TNRC6C: variants seen among roughly 807,000 people sequenced by gnomAD.
The protein encoded by TNRC6C is trinucleotide repeat containing adaptor 6C.
Under a neutral mutation model 153.7 loss-of-function variants are expected in TNRC6C, and 20 were observed. The observed-to-expected ratio is 0.13, with a 90% CI of 0.09 to 0.19. The LOEUF (loss-of-function observed/expected upper bound fraction) is 0.19. TNRC6C is among the 10% of genes least tolerant of loss of function. The probability of loss-of-function intolerance (pLI) is 1.00; values close to 1 mark genes in which losing one functional copy is unlikely to be tolerated. For missense variants in TNRC6C, 1,987 were observed against 2,172.0 expected, an observed-to-expected ratio of 0.91 and a Z score of 1.69; for synonymous variants, 811 against 841.4, an observed-to-expected ratio of 0.96 and a Z score of 0.63.
At chr17:78,038,440 G>T (rs746549541) in intron 2 of TNRC6C, among the ~76,000 whole-genome samples, 1 of 152,000 alleles carries the variant, frequency 6.6e-6, no homozygotes, top group East Asian at 1.9e-4. Context: ...TTGGGAGGCC[G>T]AGGCAGGTGG....
At chr17:78,070,498 TC>T (rs920160040) in intron 5 of TNRC6C, among the ~76,000 whole-genome samples, 1 of 151,576 alleles carries the variant, frequency 6.6e-6, no homozygotes, top group African/African-American at 2.4e-5. Context: ...TGCCGAGCCC[TC>T]CCCCACCCCC....
intron 1 of TNRC6C, among the ~76,000 whole-genome samples, chr17:77,961,544 C>T (rs948013773): frequency 3.9e-5 from 6 of 152,204 alleles, no homozygotes; most frequent in Non-Finnish European, 7.3e-5. Context: ...ATTTCGGATT[C>T]TGCCATTTAA....
chr17:78,068,692 G>C (rs1362436182), intron 5 of TNRC6C, among the ~76,000 whole-genome samples: 1 of 152,186 alleles, frequency 6.6e-6, no homozygotes, highest in Non-Finnish European at 1.5e-5. Flanking sequence ...TACTCGGGAG[G>C]CTGAGGCAAG....
At chr17:78,021,884 T>C (rs2071839170) in intron 1 of TNRC6C, among the ~76,000 whole-genome samples, 1 of 152,234 alleles carries the variant, frequency 6.6e-6, no homozygotes, top group African/African-American at 2.4e-5. Flanking sequence ...TATTTATAAT[T>C]TTTTAATTAA....
rs143405397 is a variant in TNRC6C at position 77,967,644 on chromosome 17, T to C, written c.-38+8376T>C. 1.4e-3 allele frequency among the ~76,000 whole-genome samples: 216 copies of C among 152,282 alleles called. 1 individual carries two copies. Among genetic ancestry groups the C allele is most frequent in the African/African-American group, 5.0e-3 (207 of 41,554 alleles). ...TCCTGAGGCCTCTGGGCACTGCCAA[T>C]AAGTGCCACTGACCCAATCATGAAA... On this transcript the variant is annotated intron_variant, in intron 1 of 22. Transcript: ENST00000636222.
intron 7 of TNRC6C, among the ~76,000 whole-genome samples, chr17:78,073,608 G>C (rs747369721): frequency 9.9e-5 from 15 of 152,114 alleles, no homozygotes; most frequent in Non-Finnish European, 1.9e-4. Context: ...TTTCTTGGTA[G>C]TTATGTTCTA....
intron 2 of TNRC6C, chr17:78,041,213 A>G (rs2072287210): frequency 6.6e-6 from 1 of 152,214 alleles, no homozygotes. Flanking sequence ...TTGTGACATA[A>G]CATTCCAGCG....
intron 4 of TNRC6C, among the ~76,000 whole-genome samples, chr17:78,065,616 TAGTTTTTGAAA>T (rs1163038142): frequency 6.6e-6 from 1 of 152,174 alleles, no homozygotes; most frequent in East Asian, 1.9e-4. Flanking sequence ...TCCTTGAGAT[TAGTTTTTGAAA>T]ATATGTATTA....
rs73999610 is a variant in TNRC6C, at chr17:78,050,184, C to T, written c.1122C>T (p.Thr374=). 4.1e-3 allele frequency: 6,369 copies of T among 1,551,568 alleles called. 222 individuals are homozygous for T. In the African/African-American group the frequency reaches 0.075, roughly 18 times the overall value. Reference sequence around the variant, plus strand: ...CTAGTGTCACCAGCCAGAACCCTACCGTACAGCCTGGTGGTGAACACATGA... The same window carrying T: ...CTAGTGTCACCAGCCAGAACCCTACTGTACAGCCTGGTGGTGAACACATGA... Residue 374 remains threonine (T), a synonymous_variant, in exon 3 of 20, where the codon ACC becomes ACT. Transcript: ENST00000301624.
At chr17:78,086,133 C>T (rs2073277664) in intron 11 of TNRC6C, among the ~76,000 whole-genome samples, 1 of 151,746 alleles carries the variant, frequency 6.6e-6, no homozygotes, top group African/African-American at 2.4e-5. Flanking sequence ...AGTTTGAGAC[C>T]AGCCTGGCCA....
chr17:78,077,366 C>A, intron 9 of TNRC6C, 32 bp downstream of exon 11: 1 of 1,558,160 alleles, frequency 6.4e-7, no homozygotes, highest in East Asian at 2.4e-5. Context: ...AAAACATGGC[C>A]TTTGTTTTAC....
At chr17:78,067,961 A>T (rs1367621219) in intron 5 of TNRC6C, 38 bp downstream of exon 7, 15 of 1,559,712 alleles carry the variant, frequency 9.6e-6, no homozygotes, top group Non-Finnish European at 1.2e-5. Flanking sequence ...CACCCTGAAA[A>T]CCAAAGGTAC....
At chr17:78,048,892 G>A in exon 3 of TNRC6C, 1 of 1,256,604 alleles carries the variant, frequency 8.0e-7, no homozygotes, top group Non-Finnish European at 1.0e-6. Flanking sequence ...TTCCCACTGG[G>A]GACAGCAGCC....
chr17:78,086,911 C>T, exon 13 of TNRC6C: 3 of 1,612,594 alleles, frequency 1.9e-6, no homozygotes, highest in Non-Finnish European at 2.5e-6. Flanking sequence ...CGCCAGCTGG[C>T]CCAGGCCCTG....
chr17:78,091,462 T>C, exon 14 of TNRC6C: 2 of 1,598,636 alleles, frequency 1.3e-6, no homozygotes, highest in Non-Finnish European at 1.7e-6. Flanking sequence ...CAAACATGAA[T>C]GTCAACAGCA....
At chr17:78,055,575 T>C (rs1354977730) in intron 3 of TNRC6C, among the ~76,000 whole-genome samples, 1 of 152,226 alleles carries the variant, frequency 6.6e-6, no homozygotes, top group African/African-American at 2.4e-5. Flanking sequence ...CATTGTCCTG[T>C]ACGCAGTCAG....
At chr17:78,066,202 G>A (rs1230780433) in intron 4 of TNRC6C, 1 of 149,270 alleles carries the variant, frequency 6.7e-6, no homozygotes, top group Non-Finnish European at 1.5e-5. Context: ...CTGCACTGTA[G>A]CCTGGGAGAC....
intron 1 of TNRC6C, among the ~76,000 whole-genome samples, chr17:78,013,102 G>A (rs1811894565): frequency 6.6e-6 from 1 of 151,296 alleles, no homozygotes; most frequent in Non-Finnish European, 1.5e-5. Flanking sequence ...CCCTTACCAA[G>A]CTATTCTACC....
rs1157657529 is a variant in TNRC6C, at chr17:78,028,083, A to G, written c.-545-3433A>G. Among the ~76,000 whole-genome samples, 4 of 152,130 alleles carry G rather than the reference A, an allele frequency of 2.6e-5. No homozygotes were observed. The East Asian group carries it at 7.7e-4, about 29-fold the overall frequency. Reference sequence around the variant, plus strand: ...GCTAATTTTTTTTTGTATTTTTAGTAGAGACAGGGTTTCACCGTGTTAGTC... The same window carrying G: ...GCTAATTTTTTTTTGTATTTTTAGTGGAGACAGGGTTTCACCGTGTTAGTC... On this transcript the variant is annotated intron_variant, in intron 1 of 19. Transcript: ENST00000301624.
Sources: allele counts gnomAD v4.1 joint callset (sites outside exome capture counted in the v4.1 genomes callset), GRCh38; gene constraint gnomAD v4.1.1; transcripts MANE v1.5; gene names NCBI Gene and HGNC (gene_info 2026-07-23, HGNC 2026-07-21).